NLRP7: variants seen among roughly 807,000 people sequenced by gnomAD.
NLRP7 encodes NACHT, LRR and PYD domains-containing protein 7.
Under a neutral mutation model 85.5 loss-of-function variants are expected in NLRP7, and 72 were observed. The observed-to-expected ratio is 0.84, with a 90% confidence interval of 0.70 to 1.02. NLRP7 has a LOEUF of 1.02. Ranked by LOEUF, NLRP7 falls within the 50% of genes least tolerant of loss-of-function variation. NLRP7 has a pLI of 0.00. For missense variants in NLRP7, 1,243 were observed against 1,219.5 expected, an observed-to-expected ratio of 1.02 and a Z score of -0.29; for synonymous variants, 550 against 505.2, an observed-to-expected ratio of 1.09 and a Z score of -1.19.
At chr19:54,959,934 C>T (rs1203468095) in intron 1 of NLRP7, among the ~76,000 whole-genome samples, 2 of 151,896 alleles carry the variant, frequency 1.3e-5, no homozygotes, top group Non-Finnish European at 2.9e-5. Context: ...AGGCAATGTA[C>T]ACAGAGACCC....
intron 1 of NLRP7, among the ~76,000 whole-genome samples, chr19:54,960,006 T>A (rs1256211898): frequency 6.6e-6 from 1 of 151,932 alleles, no homozygotes; most frequent in Non-Finnish European, 1.5e-5. Flanking sequence ...TTTTGAATTG[T>A]GGTTTCTTAT....
chr19:54,934,701 A>C lies in NLRP7; in HGVS notation c.2301-42T>G. The C allele has an allele frequency of 6.6e-7, 1 of 1,516,532 alleles. No individual in the cohort carries two copies. The allele number at this position is 1,516,532 out of a possible 1,614,324, so 93.9% of individuals were successfully genotyped here. ...AAAAGTCATTCTTCTGGGAGGACAG[A>C]GTATACCCTATCAGCTTTTTTTTTT... On this transcript the variant is annotated intron_variant, in intron 6 of 9. Transcript: ENST00000340844. This position sits in a 1 kb window ranked among gnomAD's most constrained non-coding sequence, Gnocchi z 6.7.
At chr19:54,950,293 G>A (rs955016478), upstream of NLRP7, among the ~76,000 whole-genome samples, 18 of 152,236 alleles carry the variant, frequency 1.2e-4, no homozygotes, top group African/African-American at 1.9e-4. Flanking sequence ...ATGAAAGGGC[G>A]GGTTGCCCCT....
At chr19:54,951,760 T>A (rs2069676647), upstream of NLRP7, among the ~76,000 whole-genome samples, 1 of 151,888 alleles carries the variant, frequency 6.6e-6, no homozygotes, top group South Asian at 2.1e-4. Context: ...CGAATTTTTT[T>A]TTTTTTTTGA....
intron 1 of NLRP7, among the ~76,000 whole-genome samples, chr19:54,955,860 T>C (rs564870517): frequency 7.8e-4 from 118 of 152,190 alleles, no homozygotes; most frequent in Non-Finnish European, 1.1e-3. Context: ...GCTGGGATTA[T>C]AGACATTCGC....
intron 5 of NLRP7, 61 bp downstream of exon 5, chr19:54,937,982 CA>C (rs1389530455): frequency 8.6e-7 from 1 of 1,158,902 alleles, no homozygotes; most frequent in African/African-American, 1.6e-5. Context: ...ATTTAAAAAA[CA>C]AAAGTACAAG....
intron 9 of NLRP7, among the ~76,000 whole-genome samples, 160 bp downstream of exon 10, chr19:54,927,445 A>G (rs1419508794): frequency 6.6e-6 from 1 of 151,914 alleles, no homozygotes; most frequent in African/African-American, 2.4e-5. Context: ...AGGCCCAGCT[A>G]CTCATGAGGC....
chr19:54,935,927 T>C (rs1489624329), intron 6 of NLRP7, among the ~76,000 whole-genome samples: 1 of 152,094 alleles, frequency 6.6e-6, no homozygotes, highest in Non-Finnish European at 1.5e-5. Context: ...AAAAACTGTC[T>C]TGTGCAAAAC....
At chr19:54,963,376 A>G (rs191175440) in intron 1 of NLRP7, among the ~76,000 whole-genome samples, 2 of 151,942 alleles carry the variant, frequency 1.3e-5, no homozygotes, top group East Asian at 1.9e-4. Context: ...ATAGATGTAC[A>G]TATACATATG....
At chr19:54,951,257 C>A (rs148920960), upstream of NLRP7, among the ~76,000 whole-genome samples, 13 of 152,226 alleles carry the variant, frequency 8.5e-5, no homozygotes, top group East Asian at 2.3e-3. Context: ...ACAAAAATAT[C>A]CTTTGTAGAC....
chr19:54,930,865 G>T (rs533149380), intron 8 of NLRP7, among the ~76,000 whole-genome samples, 199 bp from the exon 9 acceptor site: 1 of 151,694 alleles, frequency 6.6e-6, no homozygotes, highest in Non-Finnish European at 1.5e-5. Context: ...ATAGGTGCCC[G>T]CCACCTATAT....
chr19:54,961,991 C>T (rs567915922), intron 1 of NLRP7, among the ~76,000 whole-genome samples: 1 of 149,954 alleles, frequency 6.7e-6, no homozygotes, highest in African/African-American at 2.4e-5. Context: ...TGGTGAAACC[C>T]CATCTCTACT....
intron 1 of NLRP7, among the ~76,000 whole-genome samples, chr19:54,956,217 AAGTC>A (rs1318109068): frequency 6.6e-6 from 1 of 151,900 alleles, no homozygotes; most frequent in South Asian, 2.1e-4. Context: ...GGAAGGAAGG[AAGTC>A]AGTCAGTCTT....
chr19:54,950,156 G>A (rs1356383101), upstream of NLRP7, among the ~76,000 whole-genome samples: 1 of 151,298 alleles, frequency 6.6e-6, no homozygotes, highest in Non-Finnish European at 1.5e-5. Context: ...GTGAACCCGG[G>A]TGCATTCGTG....
At chr19:54,961,929 C>T (rs1324400076) in intron 1 of NLRP7, among the ~76,000 whole-genome samples, 1 of 151,088 alleles carries the variant, frequency 6.6e-6, no homozygotes, top group Admixed American at 6.6e-5. Flanking sequence ...GAGGCTGAGG[C>T]GGGTGGATCA....
chr19:54,935,433 T>C (rs1171225732), intron 6 of NLRP7, among the ~76,000 whole-genome samples: 4 of 152,082 alleles, frequency 2.6e-5, no homozygotes, highest in African/African-American at 2.4e-5. Context: ...CAGTGGTTCA[T>C]GCCTGTAATC....
At chr19:54,944,464 G>T (rs2069378398) in intron 1 of NLRP7, among the ~76,000 whole-genome samples, 1 of 151,940 alleles carries the variant, frequency 6.6e-6, no homozygotes, top group Non-Finnish European at 1.5e-5. Context: ...TTACCCTATT[G>T]TCCTGCCACA....
At position 54,954,519 on chromosome 19, in the gene NLRP7, A is replaced by T. The variant is rs2069786672; in HGVS notation, c.-76-7014T>A. Among the ~76,000 whole-genome samples the T allele has an allele frequency of 2.1e-5, 2 of 96,058 alleles. 1 individual carries two copies. The highest frequency in any genetic ancestry group is 3.9e-5 in the Non-Finnish European group (2 of 51,792). The allele number at this position is 96,058 out of a possible 152,430, so 63.0% of individuals were successfully genotyped here. A position where few individuals can be genotyped will look rare whatever the true frequency, so the allele number is the denominator to read the frequency against. On this transcript the variant is annotated intron_variant, in intron 1 of 2. Transcript: ENST00000587103. ...CACTCTGGCCTGGTGAAAGAGCGAG[A>T]CTCCGTCTCAAAAAAAAAAAAAAAA... is the stretch of plus-strand genomic sequence containing the variant.
chr19:54,938,341 G>T, intron 4 of NLRP7, 100 bp from the exon 5 acceptor site: 1 of 911,738 alleles, frequency 1.1e-6, no homozygotes, highest in Non-Finnish European at 1.8e-6. Context: ...AATTACTTTT[G>T]CACCAACCTA....
Sources: allele counts gnomAD v4.1 joint callset (sites outside exome capture counted in the v4.1 genomes callset), GRCh38; gene constraint gnomAD v4.1.1; non-coding constraint Gnocchi (gnomAD v3.1); transcripts MANE v1.5; gene names NCBI Gene and HGNC (gene_info 2026-07-23, HGNC 2026-07-21).